UNC13C: variants seen among roughly 807,000 people sequenced by gnomAD.
UNC13C encodes the protein protein unc-13 homolog C.
UNC13C carries 174 observed loss-of-function variants against 245.4 expected under a neutral mutation model. That is an observed-to-expected ratio of 0.71 (90% confidence interval 0.63 to 0.80). UNC13C has a LOEUF of 0.80. Ranked by LOEUF, UNC13C falls within the 30% of genes least tolerant of loss-of-function variation. The probability of loss-of-function intolerance (pLI) is 0.00; values close to 1 mark genes in which losing one functional copy is unlikely to be tolerated. For synonymous variants in UNC13C, 992 were observed against 895.1 expected, an observed-to-expected ratio of 1.11 and a Z score of -1.93; for missense variants, 2,829 against 2,602.9, an observed-to-expected ratio of 1.09 and a Z score of -1.89.
At chr15:54,618,168 T>C (rs1900563999) in intron 30 of UNC13C, among the ~76,000 whole-genome samples, 2 of 152,300 alleles carry the variant, frequency 1.3e-5, no homozygotes, top group South Asian at 2.1e-4. Context: ...TCCCGTGTTA[T>C]AACGACAGTA....
intron 30 of UNC13C, among the ~76,000 whole-genome samples, chr15:54,599,083 A>C (rs1899255564): frequency 6.6e-6 from 1 of 152,134 alleles, no homozygotes; most frequent in Admixed American, 6.6e-5. Flanking sequence ...ATTTTAGTAA[A>C]TATATCCATA....
intron 19 of UNC13C, among the ~76,000 whole-genome samples, chr15:54,447,389 ATCTG>A (rs1461134172): frequency 2.0e-5 from 3 of 152,068 alleles, no homozygotes. Flanking sequence ...TTGGCTGTGA[ATCTG>A]TCTGGTCCTG....
At chr15:54,058,268 G>T (rs1274042146) in intron 2 of UNC13C, among the ~76,000 whole-genome samples, 2 of 152,044 alleles carry the variant, frequency 1.3e-5, no homozygotes, top group African/African-American at 4.8e-5. Flanking sequence ...AATAAAAAAT[G>T]ACAAAGGGGA....
chr15:54,313,768 A>G (rs1340885158), intron 13 of UNC13C, among the ~76,000 whole-genome samples: 1 of 151,734 alleles, frequency 6.6e-6, no homozygotes. Context: ...AGTAATACAC[A>G]ATATTGAAGA....
At chr15:54,248,464 G>T (rs1057008517) in intron 7 of UNC13C, among the ~76,000 whole-genome samples, 2 of 152,118 alleles carry the variant, frequency 1.3e-5, no homozygotes, top group African/African-American at 2.4e-5. Context: ...TATTAAAGAG[G>T]AGGCAAAGGT....
At chr15:54,552,624 T>A (rs1464992976) in intron 28 of UNC13C, among the ~76,000 whole-genome samples, 1 of 71,438 alleles carries the variant, frequency 1.4e-5, no homozygotes, top group Non-Finnish European at 2.2e-5. Flanking sequence ...AATTATATTA[T>A]ATATTGTACA....
intron 2 of UNC13C, among the ~76,000 whole-genome samples, chr15:54,089,910 A>T (rs1899469053): frequency 6.6e-6 from 1 of 152,166 alleles, no homozygotes. Flanking sequence ...AACAAGCGGT[A>T]GGACTTCCAA....
chr15:54,456,857 G>T (rs1032738577), intron 19 of UNC13C, among the ~76,000 whole-genome samples: 1 of 151,688 alleles, frequency 6.6e-6, no homozygotes, highest in East Asian at 1.9e-4. Flanking sequence ...TTACTGATTC[G>T]GATGCCCTTC....
intron 4 of UNC13C, among the ~76,000 whole-genome samples, chr15:54,200,172 C>A (rs1228280796): frequency 6.6e-6 from 1 of 151,964 alleles, no homozygotes; most frequent in Non-Finnish European, 1.5e-5. Flanking sequence ...CTAGAACTCC[C>A]AAATTTATAA....
intron 30 of UNC13C, among the ~76,000 whole-genome samples, chr15:54,616,097 ACTTACCTCATGGATTT>A (rs1394638039): frequency 6.6e-6 from 1 of 152,060 alleles, no homozygotes; most frequent in African/African-American, 2.4e-5. Context: ...CAACATGGTG[ACTTACCTCATGGATTT>A]CTTACTAACC....
chr15:54,393,696 G>C (rs908078749), intron 18 of UNC13C, among the ~76,000 whole-genome samples: 1 of 151,792 alleles, frequency 6.6e-6, no homozygotes, highest in Non-Finnish European at 1.5e-5. Flanking sequence ...CATGGCAGAT[G>C]AATTAAAATT....
At chr15:54,463,424 C>G (rs1215583200) in intron 19 of UNC13C, among the ~76,000 whole-genome samples, 1 of 151,866 alleles carries the variant, frequency 6.6e-6, no homozygotes, top group Non-Finnish European at 1.5e-5. Flanking sequence ...TCTGCACTGC[C>G]TTTATGAGCT....
chr15:54,076,663 G>A (rs1489191081), intron 2 of UNC13C, among the ~76,000 whole-genome samples: 2 of 152,078 alleles, frequency 1.3e-5, no homozygotes, highest in South Asian at 2.1e-4. Context: ...ACTTGATAAC[G>A]AGTTGGTTTC....
At chr15:54,003,975 C>T (rs1895021031) in intron 1 of UNC13C, among the ~76,000 whole-genome samples, 1 of 152,168 alleles carries the variant, frequency 6.6e-6, no homozygotes, top group Admixed American at 6.5e-5. Context: ...CCTGCCACAG[C>T]ACTCCAGCCT....
chr15:54,019,398 T>C (rs1895798254), intron 2 of UNC13C, among the ~76,000 whole-genome samples: 1 of 152,204 alleles, frequency 6.6e-6, no homozygotes, highest in African/African-American at 2.4e-5. Flanking sequence ...GGCACTAAGT[T>C]TCTGGGACTC....
At chr15:53,879,284 C>T in the UNC13C span, among the ~76,000 whole-genome samples, 7 of 152,078 alleles carry the variant, frequency 4.6e-5, no homozygotes, top group Non-Finnish European at 1.0e-4. Flanking sequence ...ACCTGAGCCT[C>T]CTGAGTAGCT....
intron 17 of UNC13C, among the ~76,000 whole-genome samples, chr15:54,385,940 A>G (rs548601933): frequency 6.6e-6 from 1 of 152,320 alleles, no homozygotes; most frequent in Non-Finnish European, 1.5e-5. Flanking sequence ...TAATTCTCAA[A>G]CTGCAAATGA....
chr15:54,150,925 G>A (rs560595307), intron 4 of UNC13C, among the ~76,000 whole-genome samples: 3 of 152,204 alleles, frequency 2.0e-5, no homozygotes, highest in African/African-American at 7.2e-5. Flanking sequence ...TAAATTTATG[G>A]TGGCAAAATA....
chr15:54,571,393 C>T (rs1239646319), intron 30 of UNC13C, among the ~76,000 whole-genome samples: 1 of 152,134 alleles, frequency 6.6e-6, no homozygotes. Flanking sequence ...ACAGGAAAAA[C>T]CCACCCCTGT....
Sources: allele counts gnomAD v4.1 joint callset (sites outside exome capture counted in the v4.1 genomes callset), GRCh38; gene constraint gnomAD v4.1.1; transcripts MANE v1.5; gene names NCBI Gene and HGNC (gene_info 2026-07-23, HGNC 2026-07-21).